The following RGS20 variants were observed in gnomAD, a reference collection of about 807,000 sequenced individuals.
RGS20 encodes the protein gz-selective GTPase-activating protein.
Under a neutral mutation model 33.6 loss-of-function variants are expected in RGS20, and 30 were observed. That is an observed-to-expected ratio of 0.89 (90% CI 0.67 to 1.21). RGS20 has a LOEUF of 1.21. Among genes scored for constraint, RGS20 ranks in the 50% most tolerant of loss-of-function variants. The pLI, the probability that RGS20 is intolerant of heterozygous loss-of-function variation, is 0.00. For missense variants in RGS20, 472 were observed against 502.4 expected (o/e 0.94, Z 0.58); for synonymous variants, 208 against 197.9 (o/e 1.05, Z -0.43).
At chr8:53,946,536 T>A in intron 3 of RGS20, 129 bp from the exon 3 acceptor site, 1 of 837,350 alleles carries the variant, frequency 1.2e-6, no homozygotes, top group South Asian at 1.4e-5. Flanking sequence ...CTGGGGTCAT[T>A]TTTTTTTCCA....
chr8:53,905,618 C>G (rs184003275), intron 2 of RGS20, among the ~76,000 whole-genome samples: 1 of 152,088 alleles, frequency 6.6e-6, no homozygotes, highest in South Asian at 2.1e-4. Flanking sequence ...AGTAACAGGG[C>G]CTGTTTGTGA....
At chr8:53,862,080 G>A (rs1296172581) in intron 1 of RGS20, among the ~76,000 whole-genome samples, 1 of 152,142 alleles carries the variant, frequency 6.6e-6, no homozygotes, top group African/African-American at 2.4e-5. Flanking sequence ...CAGGCCCCTG[G>A]TCGTTAGCCT....
At chr8:53,956,447 T>C (rs1314167105) in intron 5 of RGS20, among the ~76,000 whole-genome samples, 2 of 152,174 alleles carry the variant, frequency 1.3e-5, no homozygotes, top group African/African-American at 4.8e-5. Context: ...AGAGTGAATT[T>C]GGAGAAGACC....
At chr8:53,894,811 T>C (rs1301687476) in intron 2 of RGS20, among the ~76,000 whole-genome samples, 2 of 152,228 alleles carry the variant, frequency 1.3e-5, no homozygotes, top group South Asian at 2.1e-4. Flanking sequence ...AAATGTAAGA[T>C]GTGATACATT....
chr8:53,881,011 G>A (rs2129274421), intron 2 of RGS20: 3 of 1,595,680 alleles, frequency 1.9e-6, no homozygotes, highest in South Asian at 2.2e-5. Context: ...GCACCCGCGG[G>A]ACGCATGCGC....
chr8:53,905,443 A>C (rs1036177395), intron 2 of RGS20, among the ~76,000 whole-genome samples: 33 of 152,224 alleles, frequency 2.2e-4, no homozygotes, highest in Admixed American at 2.1e-3. Context: ...CTAGCTCTTC[A>C]TTAATATTTC....
chr8:53,942,441 AGAGT>A (rs1486453557), intron 3 of RGS20, among the ~76,000 whole-genome samples: 7 of 152,162 alleles, frequency 4.6e-5, no homozygotes, highest in Admixed American at 1.3e-4. Context: ...TGTGTGTAAC[AGAGT>A]GAGACTCTGT....
At chr8:53,914,929 G>A (rs1175296336) in intron 2 of RGS20, 2 of 152,256 alleles carry the variant, frequency 1.3e-5, no homozygotes, top group African/African-American at 4.8e-5. Flanking sequence ...TGGATCACCT[G>A]AGGTCAGGAG....
rs376105553 is a variant in RGS20, at chr8:53,929,536, C to T, written c.511-10040C>T. On this transcript the variant is annotated intron_variant, in intron 2 of 5. Transcript: ENST00000297313. Reference sequence around the variant, plus strand: ...TACAAAAATTAGCTGGACATGGTGGCGGACGCCTGTAATTCCAGCTACTCG... The same window carrying T: ...TACAAAAATTAGCTGGACATGGTGGTGGACGCCTGTAATTCCAGCTACTCG... Among the ~76,000 whole-genome samples, 52 of 152,196 alleles carry T rather than the reference C, an allele frequency of 3.4e-4. 1 individual carries two copies. Among genetic ancestry groups the T allele is most frequent in the African/African-American group, 9.2e-4 (38 of 41,520 alleles).
intron 1 of RGS20, among the ~76,000 whole-genome samples, chr8:53,854,866 C>T (rs994800740): frequency 1.3e-5 from 2 of 152,104 alleles, no homozygotes; most frequent in Non-Finnish European, 2.9e-5. Flanking sequence ...CAGAAACAAC[C>T]CAAAAGCCCT....
At chr8:53,930,876 C>T (rs1037051113) in intron 2 of RGS20, among the ~76,000 whole-genome samples, 2 of 152,100 alleles carry the variant, frequency 1.3e-5, no homozygotes, top group Non-Finnish European at 2.9e-5. Context: ...TTACCTGGAG[C>T]ATCTTTTGTT....
intron 3 of RGS20, among the ~76,000 whole-genome samples, chr8:53,944,679 GA>G (rs1814420386): frequency 6.6e-6 from 1 of 151,972 alleles, no homozygotes; most frequent in South Asian, 2.1e-4. Context: ...AAATACAGAA[GA>G]ATTCAGAAAT....
intron 2 of RGS20, among the ~76,000 whole-genome samples, chr8:53,889,733 G>A (rs2129277308): frequency 6.6e-6 from 1 of 151,488 alleles, no homozygotes; most frequent in African/African-American, 2.4e-5. Context: ...CTGTGTGTGT[G>A]TGTGTGTGTG....
At chr8:53,878,943 G>A (rs1812267740) in intron 1 of RGS20, among the ~76,000 whole-genome samples, 1 of 152,162 alleles carries the variant, frequency 6.6e-6, no homozygotes, top group Admixed American at 6.5e-5. Context: ...CAGCGCGCAT[G>A]GTAGTCCCCT....
At chr8:53,872,356 A>T (rs774251507) in intron 1 of RGS20, among the ~76,000 whole-genome samples, 5 of 152,092 alleles carry the variant, frequency 3.3e-5, no homozygotes, top group African/African-American at 7.2e-5. Context: ...CCTCTCAATG[A>T]TTTCCCATTG....
intron 1 of RGS20, among the ~76,000 whole-genome samples, chr8:53,860,245 C>A (rs1811780615): frequency 1.3e-5 from 2 of 152,234 alleles, no homozygotes; most frequent in East Asian, 3.9e-4. Flanking sequence ...AAGAAAGAAA[C>A]CCAAATCACA....
At chr8:53,922,585 C>G (rs911081878) in intron 2 of RGS20, among the ~76,000 whole-genome samples, 6 of 152,050 alleles carry the variant, frequency 3.9e-5, no homozygotes, top group Admixed American at 3.9e-4. Context: ...CTCTTTTCCT[C>G]CCTTATTAAC....
intron 2 of RGS20, chr8:53,880,916 G>A: frequency 1.3e-6 from 2 of 1,541,392 alleles, no homozygotes; most frequent in Non-Finnish European, 1.7e-6. Context: ...CTAGAGCAAA[G>A]ACCGAGAGCC....
intron 2 of RGS20, among the ~76,000 whole-genome samples, chr8:53,932,121 A>T (rs544230530): frequency 6.6e-6 from 1 of 152,206 alleles, no homozygotes; most frequent in East Asian, 1.9e-4. Context: ...CTGCAGAGAG[A>T]TGTGCTGTTA....
Sources: gnomAD v4.1 joint callset for allele counts (sites outside exome capture counted in the v4.1 genomes callset) on GRCh38, gnomAD v4.1.1 for gene constraint, MANE v1.5 for transcripts, NCBI Gene and HGNC (gene_info 2026-07-23, HGNC 2026-07-21) for gene names.